PTPN14: variants seen among roughly 807,000 people sequenced by gnomAD.
PTPN14 encodes tyrosine-protein phosphatase non-receptor type 14.
PTPN14 carries 53 observed loss-of-function variants against 126.8 expected under a neutral mutation model. That is an observed-to-expected ratio of 0.42 (90% CI 0.34 to 0.53). The LOEUF is 0.53. Ranked by LOEUF, PTPN14 falls within the 20% of genes least tolerant of loss-of-function variation. The probability of loss-of-function intolerance (pLI) is 0.08; values close to 1 mark genes in which losing one functional copy is unlikely to be tolerated. For missense variants in PTPN14, 1,257 were observed against 1,552.9 expected (o/e 0.81, Z 3.20); for synonymous variants, 630 against 599.3 (o/e 1.05, Z -0.75).
At chr1:214,530,019 G>T (rs1655499513) in intron 1 of PTPN14, 1 of 152,152 alleles carries the variant, frequency 6.6e-6, no homozygotes, top group Non-Finnish European at 1.5e-5. Context: ...GAAAAACAGA[G>T]CTGACTACAG....
At position 214,364,805 on chromosome 1, in the gene PTPN14, GTTT is replaced by G. The variant is rs1207286100; in HGVS notation, c.3272-133_3272-131del. ...TGTGTGTGTGTGTGTGTGTGTGTGTGTTTTAAGTGACAATAATTTATAGTTCTT... is the reference window on the plus strand; with the variant it reads ...TGTGTGTGTGTGTGTGTGTGTGTGTGTAAGTGACAATAATTTATAGTTCTT... On this transcript the variant is annotated intron_variant, in intron 17 of 18. Transcript: ENST00000366956. The surrounding 1 kb of genome is among the most constrained non-coding windows in gnomAD (Gnocchi z 4.1). 17 of 830,412 alleles carry G rather than the reference GTTT, an allele frequency of 2.0e-5. No homozygotes were observed. In the African/African-American group the frequency reaches 3.0e-4, roughly 15 times the overall value. The allele number at this position is 830,412 out of a possible 1,614,324, so 51.4% of individuals were successfully genotyped here.
chr1:214,407,065 AGACATTAGAAATGTT>A (rs1659188353), intron 5 of PTPN14, among the ~76,000 whole-genome samples: 1 of 152,208 alleles, frequency 6.6e-6, no homozygotes, highest in Non-Finnish European at 1.5e-5. Context: ...TGAGCTTCTG[AGACATTAGAAATGTT>A]GACTCAAGCA....
Position 214,420,255 on chromosome 1 carries a change from A to C in PTPN14, c.345-5529T>G, listed in dbSNP as rs538074143. ...TTTTTCTTCTAGGCTTTTTCATACT[A>C]TAAGCTAATACATGTACATGCATGA... On this transcript the variant is annotated intron_variant, in intron 3 of 18. Coordinates refer to ENST00000366956, the MANE Select transcript of PTPN14 (RefSeq NM_005401.5). Among the ~76,000 whole-genome samples the C allele has an allele frequency of 1.5e-4, 23 of 152,360 alleles. No homozygotes were observed. The South Asian group carries it at 2.9e-3, about 19-fold the overall frequency.
intron 2 of PTPN14, among the ~76,000 whole-genome samples, chr1:214,459,849 G>C (rs1660469872): frequency 6.6e-6 from 1 of 152,206 alleles, no homozygotes; most frequent in African/African-American, 2.4e-5. Context: ...CCTCCTTGGA[G>C]TCCTCTGATG....
intron 11 of PTPN14, among the ~76,000 whole-genome samples, chr1:214,389,604 T>C (rs1422841521): frequency 1.3e-5 from 2 of 152,214 alleles, no homozygotes; most frequent in African/African-American, 2.4e-5. Flanking sequence ...GGGGAAGCCA[T>C]GAATTGGATC....
chr1:214,382,535 C>T (rs1036849542), intron 13 of PTPN14, among the ~76,000 whole-genome samples: 4 of 152,102 alleles, frequency 2.6e-5, no homozygotes, highest in African/African-American at 7.2e-5. Context: ...TCTCATTATA[C>T]TGCCCAGGCT....
chr1:214,479,630 T>C (rs1455797531), intron 1 of PTPN14, among the ~76,000 whole-genome samples: 1 of 152,052 alleles, frequency 6.6e-6, no homozygotes, highest in Non-Finnish European at 1.5e-5. Context: ...TCAGCCACCG[T>C]ACCCGACCCT....
chr1:214,495,903 A>G (rs1654479169), intron 1 of PTPN14, among the ~76,000 whole-genome samples: 1 of 152,120 alleles, frequency 6.6e-6, no homozygotes, highest in Non-Finnish European at 1.5e-5. Flanking sequence ...CATGTTGGTC[A>G]GGCTGGTCTC....
chr1:214,491,582 G>A (rs755188960), intron 1 of PTPN14, among the ~76,000 whole-genome samples: 1 of 152,288 alleles, frequency 6.6e-6, no homozygotes, highest in African/African-American at 2.4e-5. Context: ...AGAATCAACT[G>A]CTGCTGTGGA....
At chr1:214,453,923 T>C (rs1472882619) in intron 2 of PTPN14, among the ~76,000 whole-genome samples, 1 of 152,230 alleles carries the variant, frequency 6.6e-6, no homozygotes, top group Non-Finnish European at 1.5e-5. Flanking sequence ...ACTCTGATGC[T>C]ATCCTCTGAG....
chr1:214,469,150 G>A (rs188532851), intron 1 of PTPN14, among the ~76,000 whole-genome samples: 5 of 152,258 alleles, frequency 3.3e-5, no homozygotes, highest in African/African-American at 1.2e-4. Flanking sequence ...CAATCTGCTT[G>A]ACACTAATCT....
At chr1:214,521,144 T>G (rs746571822) in intron 1 of PTPN14, among the ~76,000 whole-genome samples, 5 of 152,224 alleles carry the variant, frequency 3.3e-5, no homozygotes, top group Non-Finnish European at 7.3e-5. Flanking sequence ...AAAACATGTT[T>G]TCTTGAAAAC....
chr1:214,545,156 T>TC (rs1415673529), intron 1 of PTPN14, among the ~76,000 whole-genome samples: 1 of 152,118 alleles, frequency 6.6e-6, no homozygotes, highest in Non-Finnish European at 1.5e-5. Context: ...AAAAGTAAAA[T>TC]CTTCAAAAAT....
At chr1:214,508,097 G>T (rs1278670325) in intron 1 of PTPN14, among the ~76,000 whole-genome samples, 1 of 149,688 alleles carries the variant, frequency 6.7e-6, no homozygotes, top group Admixed American at 6.6e-5. Context: ...TGATGTTGAT[G>T]GCTGCTGATC....
intron 1 of PTPN14, among the ~76,000 whole-genome samples, chr1:214,524,378 G>A (rs572053637): frequency 1.2e-4 from 18 of 152,218 alleles, no homozygotes; most frequent in East Asian, 3.9e-4. Context: ...AGGGCTGGGC[G>A]TGGTGGCTCA....
At position 214,465,449 on chromosome 1, in the gene PTPN14, A is replaced by AT. The variant is rs1438506875; in HGVS notation, c.-154-493_-154-492insA. 1.7e-3 allele frequency among the ~76,000 whole-genome samples: 252 copies of AT among 151,864 alleles called. 3 individuals are homozygous for AT. Among genetic ancestry groups the AT allele is most frequent in the Non-Finnish European group, 2.0e-3 (133 of 67,942 alleles). ...ACACAATGAGACCCTGTCTCTACAA[A>AT]AAAATAAATAAATAAATAAAAATTA... On this transcript the variant is annotated intron_variant, in intron 1 of 18. Coordinates refer to ENST00000366956, the MANE Select transcript of PTPN14 (RefSeq NM_005401.5).
chr1:214,530,293 A>G (rs1655508869), intron 1 of PTPN14: 1 of 152,196 alleles, frequency 6.6e-6, no homozygotes, highest in Non-Finnish European at 1.5e-5. Context: ...CCCCTAACCA[A>G]AAAGCTCTAA....
At chr1:214,456,015 G>C (rs369795018) in intron 2 of PTPN14, among the ~76,000 whole-genome samples, 3 of 152,102 alleles carry the variant, frequency 2.0e-5, no homozygotes, top group Non-Finnish European at 2.9e-5. Flanking sequence ...TTATTTGTTT[G>C]TTCATTTATT....
intron 1 of PTPN14, among the ~76,000 whole-genome samples, chr1:214,547,235 A>G (rs993833216): frequency 6.6e-6 from 1 of 152,258 alleles, no homozygotes; most frequent in Admixed American, 6.5e-5. Flanking sequence ...CTCCTATTAC[A>G]AAAGTCCAGG....
Sources: gnomAD v4.1 joint callset for allele counts (sites outside exome capture counted in the v4.1 genomes callset) on GRCh38, gnomAD v4.1.1 for gene constraint, Gnocchi (gnomAD v3.1) non-coding constraint, MANE v1.5 for transcripts, NCBI Gene and HGNC (gene_info 2026-07-23, HGNC 2026-07-21) for gene names.